Variants in SMAP2 observed in about 807,000 individuals in gnomAD.
The protein encoded by SMAP2 is small ArfGAP2, also known as stromal membrane-associated protein 2.
Under a neutral mutation model 56.4 loss-of-function variants are expected in SMAP2, and 25 were observed. The ratio of observed to expected loss-of-function variants is 0.44; its 90% CI spans 0.32 to 0.62. The LOEUF is 0.62. SMAP2 is among the 20% of genes least tolerant of loss of function. SMAP2 has a pLI of 0.04. For missense variants in SMAP2, 388 were observed against 545.6 expected (o/e 0.71, Z 2.88); for synonymous variants, 157 against 181.7 (o/e 0.86, Z 1.09).
chr1:40,359,101 C>CT (rs1163031853), intron 1 of SMAP2, among the ~76,000 whole-genome samples: 1 of 151,958 alleles, frequency 6.6e-6, no homozygotes, highest in East Asian at 1.9e-4. Flanking sequence ...CTATGTGTAT[C>CT]TTTTTTTGTT....
intron 1 of SMAP2, among the ~76,000 whole-genome samples, chr1:40,392,312 G>C (rs1283697918): frequency 6.6e-6 from 1 of 152,076 alleles, no homozygotes. Flanking sequence ...ATCTTTGCTG[G>C]GATGCTCTGG....
At chr1:40,420,973 T>C (rs1157163873) in intron 9 of SMAP2, among the ~76,000 whole-genome samples, 1 of 152,112 alleles carries the variant, frequency 6.6e-6, no homozygotes, top group Non-Finnish European at 1.5e-5. Flanking sequence ...TTTGTGGTTC[T>C]GTTAAAGTGT....
chr1:40,371,614 G>T (rs959496126), upstream of SMAP2, among the ~76,000 whole-genome samples: 1 of 152,172 alleles, frequency 6.6e-6, no homozygotes, highest in Non-Finnish European at 1.5e-5. Context: ...AGCACAAGAG[G>T]CTCAAAGCAA....
In SMAP2 at chr1:40,417,104, A is replaced by G; in HGVS notation, c.1164+8A>G. ...CAATGGAACCTTACTCAGGTAAGCT[A>G]CCCCATTTTACTTGCAGCAAGAGTT... On this transcript the variant is annotated splice_region_variant and intron_variant, in intron 9 of 9. Transcript: ENST00000372718. The G allele has an allele frequency of 1.9e-6, 3 of 1,584,814 alleles. No individual in the cohort carries two copies. The highest frequency in any genetic ancestry group is 2.3e-5 in the East Asian group (1 of 44,124).
chr1:40,349,793 A>G (rs1238057829), intron 1 of SMAP2, among the ~76,000 whole-genome samples: 1 of 152,224 alleles, frequency 6.6e-6, no homozygotes. Context: ...TGCTTGTATT[A>G]TAGGCGTGAG....
intron 1 of SMAP2, among the ~76,000 whole-genome samples, chr1:40,404,619 GCAAA>G (rs1473086354): frequency 1.3e-5 from 2 of 152,152 alleles, no homozygotes; most frequent in African/African-American, 4.8e-5. Context: ...GACTTTGTTA[GCAAA>G]CAAATACATC....
In SMAP2 at chr1:40,347,249, TTG is replaced by T. The variant is rs1491037911; in HGVS notation, c.-83+2341_-83+2342del. 3.9e-3 allele frequency among the ~76,000 whole-genome samples: 268 copies of T among 68,848 alleles called. 12 individuals are homozygous for T. Among genetic ancestry groups the T allele is most frequent in the African/African-American group, 0.012 (230 of 18,746 alleles). The allele number at this position is 68,848 out of a possible 152,430, so 45.2% of individuals were successfully genotyped here. On this transcript the variant is annotated intron_variant, in intron 1 of 6. Coordinates refer to the SMAP2 transcript ENST00000435168. Reference sequence around the variant, plus strand: ...GTGTTTGTGTGTGTGTGTTTTGTTTTTGTTTTTTTTTTTTTTTTTAAAGCAAA... The same window carrying T: ...GTGTTTGTGTGTGTGTGTTTTGTTTTTTTTTTTTTTTTTTTTTAAAGCAAA...
At chr1:40,382,593 T>C (rs1014754257) in intron 1 of SMAP2, among the ~76,000 whole-genome samples, 11 of 152,262 alleles carry the variant, frequency 7.2e-5, no homozygotes, top group Non-Finnish European at 1.2e-4. Flanking sequence ...TATTGGCCCC[T>C]GGAATGTGAC....
At position 40,416,794 on chromosome 1, in the gene SMAP2, C is replaced by T. The variant is rs1224160714; in HGVS notation, c.862C>T (p.Pro288Ser). 14 of 1,602,340 alleles carry T rather than the reference C, an allele frequency of 8.7e-6. No individual in the cohort carries two copies. Among genetic ancestry groups the T allele is most frequent in the African/African-American group, 1.3e-5 (1 of 74,700 alleles). Residue 288 changes from proline to serine, a missense_variant, in exon 9 of 10, where the codon CCC becomes TCC. By Grantham distance (74) the Pro-to-Ser change is moderately conservative (BLOSUM62 -1). Transcript: ENST00000372718. ...QMPTQAMFMA[P>S]AQMAYPTAYP... is the part of the protein sequence containing the mutation. Reference sequence around the variant, plus strand: ...TTTCTTGGCAGCAATGTTCATGGCTCCCGCTCAGATGGCATATCCCACAGC... The same window carrying T: ...TTTCTTGGCAGCAATGTTCATGGCTTCCGCTCAGATGGCATATCCCACAGC...
At chr1:40,413,178 T>C in intron 5 of SMAP2, 76 bp downstream of exon 5, 3 of 1,078,008 alleles carry the variant, frequency 2.8e-6, no homozygotes, top group Middle Eastern at 2.0e-4. Context: ...GTAGGAGGTC[T>C]CGTGGTGAGT....
At chr1:40,414,313 T>C (rs1428014214) in intron 6 of SMAP2, 73 bp downstream of exon 6, 78 of 1,393,374 alleles carry the variant, frequency 5.6e-5, no homozygotes, top group Non-Finnish European at 7.6e-5. Flanking sequence ...GGAAGATAGG[T>C]AGAGATGGGG....
At chr1:40,371,816 G>A (rs1379992281), upstream of SMAP2, among the ~76,000 whole-genome samples, 1 of 152,152 alleles carries the variant, frequency 6.6e-6, no homozygotes, top group East Asian at 1.9e-4. Flanking sequence ...TATATTACAG[G>A]CATTATCTCA....
At chr1:40,362,268 T>C (rs1188728182) in intron 1 of SMAP2, 1 of 152,232 alleles carries the variant, frequency 6.6e-6, no homozygotes, top group African/African-American at 2.4e-5. Flanking sequence ...GATTTCCCAC[T>C]GTTCTTCCCA....
At chr1:40,389,300 T>G (rs1481354688) in intron 1 of SMAP2, among the ~76,000 whole-genome samples, 1 of 68,962 alleles carries the variant, frequency 1.5e-5, no homozygotes. Context: ...TAACAGCTAC[T>G]GCATTATTAT....
chr1:40,375,575 A>G (rs1644533512), intron 1 of SMAP2, among the ~76,000 whole-genome samples: 1 of 152,188 alleles, frequency 6.6e-6, no homozygotes, highest in Non-Finnish European at 1.5e-5. Context: ...TCTTTCCTGA[A>G]TTTTTGCATT....
At chr1:40,421,476 C>T (rs1645041498) in intron 9 of SMAP2, among the ~76,000 whole-genome samples, 1 of 152,004 alleles carries the variant, frequency 6.6e-6, no homozygotes, top group South Asian at 2.1e-4. Context: ...CCCGCCACCG[C>T]CTTTGTTCAT....
At chr1:40,384,668 T>C (rs187839787) in intron 1 of SMAP2, among the ~76,000 whole-genome samples, 3 of 152,364 alleles carry the variant, frequency 2.0e-5, no homozygotes, top group Middle Eastern at 3.4e-3. Context: ...TAAAGGACTC[T>C]CGTTGTTTGA....
At chr1:40,413,585 G>A (rs1317776738) in intron 5 of SMAP2, among the ~76,000 whole-genome samples, 1 of 152,338 alleles carries the variant, frequency 6.6e-6, no homozygotes, top group East Asian at 1.9e-4. Flanking sequence ...TATTGTGGCT[G>A]TAGTAGTAGA....
chr1:40,406,759 A>G lies in SMAP2; in HGVS notation c.127A>G (p.Ile43Val). 1 of 1,613,804 alleles carries G rather than the reference A, an allele frequency of 6.2e-7. No homozygotes were observed. Among genetic ancestry groups the G allele is most frequent in the Non-Finnish European group, 8.5e-7 (1 of 1,179,770 alleles). Residue 43 changes from isoleucine to valine, a missense_variant, in exon 2 of 10, where the codon ATT becomes GTT. Coordinates refer to ENST00000372718, the MANE Select transcript of SMAP2 (RefSeq NM_022733.3). ...SKGPRWASWN[I>V]GVFICIRCAG... ...AGGGCCGCGATGGGCCTCTTGGAAC[A>G]TTGGTGTGTTCATCTGCATTCGATG... is the stretch of plus-strand genomic sequence containing the variant.
Sources: gnomAD v4.1 joint callset for allele counts (sites outside exome capture counted in the v4.1 genomes callset) on GRCh38, gnomAD v4.1.1 for gene constraint, MANE v1.5 for transcripts, NCBI Gene and HGNC (gene_info 2026-07-23, HGNC 2026-07-21) for gene names.